The following KCNH6 variants were observed in gnomAD, a reference collection of about 807,000 sequenced individuals.
KCNH6 encodes the protein potassium voltage-gated channel subfamily H member 6.
In KCNH6, 81 loss-of-function variants were observed where a neutral mutation model predicts 83.4. The ratio of observed to expected loss-of-function variants is 0.97; its 90% confidence interval spans 0.81 to 1.17. The LOEUF (loss-of-function observed/expected upper bound fraction) is 1.17. KCNH6 is among the 50% of genes most tolerant of loss of function. The pLI is 0.00. For missense variants in KCNH6, 1,203 were observed against 1,290.5 expected (o/e 0.93, Z 1.04); for synonymous variants, 503 against 545.6 (o/e 0.92, Z 1.09).
Position 63,530,135 on chromosome 17 carries a change from G to C in KCNH6, c.352G>C (p.Glu118Gln), listed in dbSNP as rs541173890. The change falls in exon 3 of 13, where the codon GAG becomes CAG. Residue 118 changes from glutamate (E) to glutamine (Q), a missense_variant. Glu to Gln is a conservative substitution (Grantham distance 29, BLOSUM62 2). Coordinates refer to ENST00000314672, the MANE Select transcript of KCNH6 (RefSeq NM_001278919.2). ...GGTAGATGTGGTGCCCGTGAAGAAC[G>C]AGGACGGGGCTGTCATCATGTTCAT... ...CLVDVVPVKN[E>Q]DGAVIMFILN... 5.6e-6 allele frequency: 9 copies of C among 1,613,978 alleles called. No individual in the cohort carries two copies. The South Asian group carries it at 8.8e-5, about 16-fold the overall frequency.
At chr17:63,536,799 A>G (rs2032526319) in intron 6 of KCNH6, among the ~76,000 whole-genome samples, 1 of 151,210 alleles carries the variant, frequency 6.6e-6, no homozygotes, top group African/African-American at 2.4e-5. Context: ...TACTAAAAAT[A>G]CAAAAATTAG....
At position 63,535,368 on chromosome 17, in the gene KCNH6, C is replaced by G. The variant is rs1026468042; in HGVS notation, c.1102-301C>G. On this transcript the variant is annotated intron_variant, in intron 5 of 12. Transcript: ENST00000314672. The surrounding 1 kb of genome is among the most constrained non-coding windows in gnomAD (Gnocchi z 4.9). ...CTCTCCTGTCTGTCTGGAGCCCTAG[C>G]CTCCTCTCTCCAGGCTCAGCTCATG... Among the ~76,000 whole-genome samples the G allele has an allele frequency of 2.6e-5, 4 of 152,178 alleles. No homozygotes were observed. The highest frequency in any genetic ancestry group is 9.7e-5 in the African/African-American group (4 of 41,436).
chr17:63,529,257 C>G (rs1025551612), intron 2 of KCNH6, among the ~76,000 whole-genome samples: 6 of 152,218 alleles, frequency 3.9e-5, no homozygotes, highest in African/African-American at 1.4e-4. Flanking sequence ...GTGGGCTGCC[C>G]AAGATAATGG....
Position 63,538,304 on chromosome 17 carries a change from G to GC in KCNH6, c.1701+40_1701+41insC. On this transcript the variant is annotated intron_variant, in intron 7 of 12. Coordinates refer to ENST00000314672, the MANE Select transcript of KCNH6 (RefSeq NM_001278919.2). The surrounding 1 kb of genome is among the most constrained non-coding windows in gnomAD (Gnocchi z 4.0). Reference sequence around the variant, plus strand: ...TCCGGCTAATGCCCCGGGCGTGGGGGGGAGCCAAGATCCTGCGGGGGCGGG... The same window carrying GC: ...TCCGGCTAATGCCCCGGGCGTGGGGGCGGAGCCAAGATCCTGCGGGGGCGGG... The GC allele has an allele frequency of 1.2e-6, 2 of 1,612,302 alleles. No individual in the cohort carries two copies. Among genetic ancestry groups the GC allele is most frequent in the Non-Finnish European group, 1.7e-6 (2 of 1,178,980 alleles).
At position 63,530,526 on chromosome 17, in the gene KCNH6, C is replaced by T. The variant is rs752718254; in HGVS notation, c.659C>T (p.Thr220Ile). ...GTGGTGGAGCGGACACAGAACGTCACTGAGAAGGTCACCCAGGTGCGGGCC... is the reference window on the plus strand; with the variant it reads ...GTGGTGGAGCGGACACAGAACGTCATTGAGAAGGTCACCCAGGTGCGGGCC... ...HKVVERTQNV[T>I]EKVTQVLSLG... is the part of the protein sequence containing the mutation. The change falls in exon 4 of 13, where the codon ACT becomes ATT. Residue 220 changes from threonine to isoleucine, a missense_variant. Transcript: ENST00000314672. 3.7e-6 allele frequency: 6 copies of T among 1,614,076 alleles called. No homozygotes were observed. In the Admixed American group the frequency reaches 6.7e-5, roughly 18 times the overall value.
intron 2 of KCNH6, 73 bp downstream of exon 2, chr17:63,524,442 G>A: frequency 7.3e-7 from 1 of 1,365,250 alleles, no homozygotes; most frequent in Non-Finnish European, 1.0e-6. Flanking sequence ...GGGTGGCCTT[G>A]GGGAAGGCAC....
chr17:63,535,951 A>G lies in KCNH6; in HGVS notation c.1384A>G (p.Lys462Glu), dbSNP rs1300903943. The change falls in exon 6 of 13, where the codon AAG becomes GAG. Residue 462 changes from lysine to glutamate, a missense_variant. Transcript: ENST00000314672. The surrounding 1 kb of genome is among the most constrained non-coding windows in gnomAD (Gnocchi z 4.9). ...DPASGPSVQDKYVTALYFTFS... is the reference protein window; with the variant it reads ...DPASGPSVQDEYVTALYFTFS... ...AGCCTCGGGCCCCTCGGTGCAGGAC[A>G]AGTATGTCACAGCCCTCTACTTCAC... is the stretch of plus-strand genomic sequence containing the variant. The G allele has an allele frequency of 3.1e-6, 5 of 1,613,814 alleles. No homozygotes were observed. The East Asian group carries it at 1.1e-4, about 36-fold the overall frequency.
Position 63,524,175 on chromosome 17 carries a change from A to C in KCNH6, c.113A>C (p.Asn38Thr), listed in dbSNP as rs1457206720. 6.2e-7 allele frequency: 1 copy of C among 1,614,026 alleles called. No homozygotes were observed. The highest frequency in any genetic ancestry group is 1.3e-5 in the African/African-American group (1 of 74,908). ...CTGATTGCCAATGCTCAGATGGAGAACTGCGCCATCATTTACTGCAACGAC... is the reference window on the plus strand; with the variant it reads ...CTGATTGCCAATGCTCAGATGGAGACCTGCGCCATCATTTACTGCAACGAC... ...KFLIANAQMENCAIIYCNDGF... is the reference protein window; with the variant it reads ...KFLIANAQMETCAIIYCNDGF... Residue 38 changes from asparagine (N) to threonine (T), a missense_variant, in exon 2 of 13, where the codon AAC becomes ACC. Transcript: ENST00000314672.
In KCNH6 at chr17:63,545,072, TGGCA is replaced by T. The variant is rs1334301032; in HGVS notation, c.2397-2_2398del. Reference sequence around the variant, plus strand: ...CTGACCCTGACTGTGGGGTTCTGTCTGGCAGGCTGGAGTCCCGCGTGTCCTCAGA... The same window carrying T: ...CTGACCCTGACTGTGGGGTTCTGTCTGGCTGGAGTCCCGCGTGTCCTCAGA... On this transcript the variant is annotated splice_acceptor_variant and splice_polypyrimidine_tract_variant and intron_variant, in intron 11 of 12. Transcript: ENST00000314672. LOFTEE classifies it high-confidence loss of function. 1 of 1,611,808 alleles carries T rather than the reference TGGCA, an allele frequency of 6.2e-7. No homozygotes were observed. The highest frequency in any genetic ancestry group is 8.5e-7 in the Non-Finnish European group (1 of 1,179,982).
downstream of KCNH6, among the ~76,000 whole-genome samples, chr17:63,546,974 C>T (rs1192985298): frequency 1.3e-5 from 2 of 152,172 alleles, no homozygotes; most frequent in Non-Finnish European, 2.9e-5. Flanking sequence ...CGGTAGCACT[C>T]GCCCCGTACC....
Position 63,535,792 on chromosome 17 carries a change from G to A in KCNH6, c.1225G>A (p.Ala409Thr), listed in dbSNP as rs201884071. ...GCTCTTCTTGCTCATGTGCACCTTC[G>A]CGCTCATAGCGCACTGGCTGGCCTG... ...AVLFLLMCTF[A>T]LIAHWLACIW... Residue 409 changes from alanine to threonine, a missense_variant, in exon 6 of 13, where the codon GCG becomes ACG. Transcript: ENST00000314672. The surrounding 1 kb of genome is among the most constrained non-coding windows in gnomAD (Gnocchi z 4.9). 18 of 1,614,230 alleles carry A rather than the reference G, an allele frequency of 1.1e-5. No individual in the cohort carries two copies. Among genetic ancestry groups the A allele is most frequent in the East Asian group, 8.9e-5 (4 of 44,890 alleles).
chr17:63,543,963 G>A, intron 10 of KCNH6: 1 of 1,073,016 alleles, frequency 9.3e-7, no homozygotes, highest in South Asian at 1.6e-5. Flanking sequence ...CCACTGGGCT[G>A]CAGCTCCCTG....
In KCNH6 at chr17:63,523,358, G is replaced by A; in HGVS notation, c.-56G>A. On this transcript the variant is annotated 5_prime_UTR_variant, in exon 1 of 13. Coordinates refer to ENST00000314672, the MANE Select transcript of KCNH6 (RefSeq NM_001278919.2). The surrounding 1 kb of genome is among the most constrained non-coding windows in gnomAD (Gnocchi z 4.2). ...GACGCTGCTGAGCCCGAGGACAGAC[G>A]GAGACGCCGGGAGCCAGTGGCGCCT... The A allele has an allele frequency of 6.7e-7, 1 of 1,491,136 alleles. No homozygotes were observed. The highest frequency in any genetic ancestry group is 9.0e-7 in the Non-Finnish European group (1 of 1,110,422). The allele number at this position is 1,491,136 out of a possible 1,614,324, so 92.4% of individuals were successfully genotyped here.
Position 63,530,285 on chromosome 17 carries a change from C to A in KCNH6, c.469+33C>A. On this transcript the variant is annotated intron_variant, in intron 3 of 12. Transcript: ENST00000314672. ...AGAGTGAGGGTGGTGGTGGGAGGGA[C>A]GCATGAGGGTCCCCTGGCCGTGGCT... is the stretch of plus-strand genomic sequence containing the variant. The A allele has an allele frequency of 1.9e-6, 3 of 1,613,782 alleles. No homozygotes were observed. In the East Asian group the frequency reaches 6.7e-5, roughly 36 times the overall value.
chr17:63,547,614 GC>G (rs745372170), downstream of KCNH6, among the ~76,000 whole-genome samples: 34 of 152,102 alleles, frequency 2.2e-4, no homozygotes, highest in Non-Finnish European at 4.1e-4. Context: ...ATGCTTCAAA[GC>G]CTAATATTGA....
In KCNH6 at chr17:63,535,874, G is replaced by A. The variant is rs992164133; in HGVS notation, c.1307G>A (p.Trp436Ter). ...ERPYLEHKIG[W>*]LDSLGVQLGK... ...CCCTACCTAGAACACAAGATCGGCTGGCTGGACAGCCTGGGTGTGCAGCTT... is the reference window on the plus strand; with the variant it reads ...CCCTACCTAGAACACAAGATCGGCTAGCTGGACAGCCTGGGTGTGCAGCTT... Residue 436 changes from tryptophan (W) to a stop codon, truncating the protein, a stop_gained, in exon 6 of 13, where the codon TGG becomes TAG. Transcript: ENST00000314672. LOFTEE classifies it high-confidence loss of function. The surrounding 1 kb of genome is among the most constrained non-coding windows in gnomAD (Gnocchi z 4.9). 1.8e-5 allele frequency: 29 copies of A among 1,614,150 alleles called. No individual in the cohort carries two copies. Among genetic ancestry groups the A allele is most frequent in the Non-Finnish European group, 2.4e-5 (28 of 1,180,044 alleles).
intron 12 of KCNH6, 42 bp downstream of exon 12, chr17:63,545,306 C>T (rs755664596): frequency 1.3e-6 from 2 of 1,593,382 alleles, no homozygotes; most frequent in South Asian, 1.1e-5. Flanking sequence ...CTGCGAGCAG[C>T]TGCATGCCTT....
At chr17:63,542,544 T>G in intron 9 of KCNH6, 110 bp downstream of exon 9, 1 of 898,958 alleles carries the variant, frequency 1.1e-6, no homozygotes, top group Non-Finnish European at 1.7e-6. Flanking sequence ...TCCTGCAACC[T>G]TTGCCATAAT....
intron 9 of KCNH6, 43 bp from the exon 10 acceptor site, chr17:63,543,533 C>A (rs748754937): frequency 7.8e-7 from 1 of 1,279,188 alleles, no homozygotes; most frequent in South Asian, 1.2e-5. Context: ...AGGCCCCATC[C>A]CAGCTTTGGT....
Sources: allele counts gnomAD v4.1 joint callset (sites outside exome capture counted in the v4.1 genomes callset), GRCh38; gene constraint gnomAD v4.1.1; non-coding constraint Gnocchi (gnomAD v3.1); transcripts MANE v1.5; gene names NCBI Gene and HGNC (gene_info 2026-07-23, HGNC 2026-07-21).